Variants in OTULIN observed in about 807,000 individuals in gnomAD.
OTULIN encodes the protein ubiquitin thioesterase otulin.
Under a neutral mutation model 39.6 loss-of-function variants are expected in OTULIN, and 15 were observed. The observed-to-expected ratio is 0.38, with a 90% CI of 0.25 to 0.58. OTULIN has a LOEUF of 0.58. OTULIN is among the 20% of genes least tolerant of loss of function. OTULIN has a pLI of 0.66. For missense variants in OTULIN, 319 were observed against 445.9 expected, an observed-to-expected ratio of 0.72 and a Z score of 2.56; for synonymous variants, 156 against 170.3, an observed-to-expected ratio of 0.92 and a Z score of 0.65.
intron 1 of OTULIN, among the ~76,000 whole-genome samples, chr5:14,668,195 T>C (rs1579958137): frequency 6.6e-6 from 1 of 152,332 alleles, no homozygotes. Flanking sequence ...ATGTATTTTC[T>C]GCCCCACCCC....
chr5:14,685,236 T>C lies in OTULIN; in HGVS notation c.469-2285T>C, dbSNP rs575200434. 2.6e-5 allele frequency among the ~76,000 whole-genome samples: 4 copies of C among 152,350 alleles called. No individual in the cohort carries two copies. In the South Asian group the frequency reaches 8.3e-4, roughly 32 times the overall value. On this transcript the variant is annotated intron_variant, in intron 4 of 6. Coordinates refer to ENST00000284274, the MANE Select transcript of OTULIN (RefSeq NM_138348.6). The stretch of plus-strand genomic sequence containing the variant: ...TTTTGGGGATGACACATTTTTATTA[T>C]TTGCTTTCTGTTGTGGTATCAAGAA...
chr5:14,712,533 A>G, the OTULIN span, among the ~76,000 whole-genome samples: 8 of 152,148 alleles, frequency 5.3e-5, no homozygotes, highest in African/African-American at 1.4e-4. Flanking sequence ...CCCCTCTCCC[A>G]TCGGCAGCAT....
intron 5 of OTULIN, among the ~76,000 whole-genome samples, chr5:14,688,624 T>C (rs16903651): frequency 0.011 from 1,746 of 152,356 alleles, 41 homozygotes; most frequent in African/African-American, 0.04. Flanking sequence ...CTGGAAAATA[T>C]ACTGTCAAAG....
downstream of OTULIN, among the ~76,000 whole-genome samples, chr5:14,702,834 C>G (rs1407381224): frequency 2.6e-5 from 4 of 152,174 alleles, no homozygotes; most frequent in Non-Finnish European, 5.9e-5. Flanking sequence ...TCTTTGGAAT[C>G]AAGGGTTTCT....
At chr5:14,713,509 A>G in the OTULIN span, 1 of 1,613,304 alleles carries the variant, frequency 6.2e-7, no homozygotes, top group Non-Finnish European at 8.5e-7. The surrounding 1 kb of genome is among the most constrained non-coding windows in gnomAD (Gnocchi z 4.4). Context: ...GAAGTGGCAG[A>G]AGGACCCACA....
chr5:14,708,014 T>G, the OTULIN span: 3 of 152,110 alleles, frequency 2.0e-5, no homozygotes, highest in African/African-American at 7.2e-5. Context: ...CCGTCAATAC[T>G]CCCTGAGCCA....
chr5:14,676,352 G>A lies in OTULIN; in HGVS notation c.230-2329G>A, dbSNP rs549587804. ...TGCTTTTGAACTCCATAAGCTGCTC[G>A]AGGTCAGGTACTGCCTTGTCCTGCA... On this transcript the variant is annotated intron_variant, in intron 2 of 6. Transcript: ENST00000284274. Among the ~76,000 whole-genome samples, 34 of 152,296 alleles carry A rather than the reference G, an allele frequency of 2.2e-4. No homozygotes were observed. In the South Asian group the frequency reaches 6.9e-3, roughly 31 times the overall value.
rs1358930453 is a variant in OTULIN, at chr5:14,673,714, A to G, written c.225A>G (p.Ala75=). The G allele has an allele frequency of 6.2e-7, 1 of 1,613,034 alleles. No individual in the cohort carries two copies. Among genetic ancestry groups the G allele is most frequent in the Non-Finnish European group, 8.5e-7 (1 of 1,179,348 alleles). Residue 75 remains alanine (A), a synonymous_variant, in exon 2 of 7, where the codon GCA becomes GCG. Transcript: ENST00000284274. Reference sequence around the variant, plus strand: ...AATTGCTTATACATGAAAGAGGGGCATCAGGTATGTTTGGAATTGTTTTAT... The same window carrying G: ...AATTGCTTATACATGAAAGAGGGGCGTCAGGTATGTTTGGAATTGTTTTAT... ...EKELLIHERG[A]SEPRLSVAPE...
At chr5:14,668,220 CTACAGTTCGGAGT>C (rs1735898057) in intron 1 of OTULIN, among the ~76,000 whole-genome samples, 1 of 152,214 alleles carries the variant, frequency 6.6e-6, no homozygotes, top group South Asian at 2.1e-4. Context: ...CCAGATGCTG[CTACAGTTCGGAGT>C]AGGGATAAAG....
At chr5:14,687,755 T>C in intron 5 of OTULIN, 109 bp downstream of exon 5, 2 of 1,382,452 alleles carry the variant, frequency 1.4e-6, no homozygotes, top group Non-Finnish European at 9.6e-7. Flanking sequence ...TGCTCTTGGC[T>C]GATTTTTAGG....
At position 14,694,835 on chromosome 5, in the gene OTULIN, T is replaced by C. The variant is rs1736624582; in HGVS notation, c.*1787T>C. The C allele has an allele frequency of 6.5e-6, 1 of 152,676 alleles. No homozygotes were observed. The highest frequency in any genetic ancestry group is 1.5e-5 in the Non-Finnish European group (1 of 68,054). 9.5% of individuals were successfully genotyped at this position (152,676 alleles called of 1,614,324 possible). On this transcript the variant is annotated 3_prime_UTR_variant, in exon 7 of 7. Coordinates refer to ENST00000284274, the MANE Select transcript of OTULIN (RefSeq NM_138348.6). The stretch of plus-strand genomic sequence containing the variant: ...CCTAGAAGCCAAATTAAAGTAATAA[T>C]GACTTCTTATTGGCTTTGATTTTTC...
chr5:14,711,599 A>G, the OTULIN span, among the ~76,000 whole-genome samples: 111 of 152,226 alleles, frequency 7.3e-4, no homozygotes, highest in East Asian at 7.9e-3. Flanking sequence ...GCCCTTTCCA[A>G]TGAGGGCTGC....
chr5:14,688,834 C>T (rs1453478043), intron 5 of OTULIN, among the ~76,000 whole-genome samples: 2 of 152,098 alleles, frequency 1.3e-5, no homozygotes, highest in African/African-American at 4.8e-5. Flanking sequence ...AACCACAGGT[C>T]ACAATTTCGT....
chr5:14,678,702 C>T lies in OTULIN; in HGVS notation c.251C>T (p.Pro84Leu), dbSNP rs1736168542. ...ACAGAACCGAGATTAAGCGTAGCTC[C>T]TGAAATGGATATCATGGACTACTGC... ...GASEPRLSVA[P>L]EMDIMDYCKK... The change falls in exon 3 of 7, where the codon CCT (proline) becomes CTT (leucine). Residue 84 changes from proline to leucine, a missense_variant. By Grantham distance (98) the Pro-to-Leu change is moderately conservative. Around this residue, in one of 4 missense-constraint regions of OTULIN, gnomAD observed 132 missense variants for 143.7 expected, o/e 0.92. Coordinates refer to ENST00000284274, the MANE Select transcript of OTULIN (RefSeq NM_138348.6). The T allele has an allele frequency of 4.4e-6, 7 of 1,590,806 alleles. No homozygotes were observed. Among genetic ancestry groups the T allele is most frequent in the African/African-American group, 1.4e-5 (1 of 73,246 alleles).
chr5:14,681,493 C>T lies in OTULIN; in HGVS notation c.354C>T (p.Thr118=), dbSNP rs1736248545. The T allele has an allele frequency of 1.2e-6, 2 of 1,613,356 alleles. No homozygotes were observed. The highest frequency in any genetic ancestry group is 2.2e-5 in the South Asian group (2 of 90,940). The change falls in exon 4 of 7, where the codon ACC becomes ACT. Residue 118 remains threonine (T), a synonymous_variant. Coordinates refer to ENST00000284274, the MANE Select transcript of OTULIN (RefSeq NM_138348.6). ...ATGAAGAGGTTTCTCAGAAGTTCAC[C>T]TCCATACGGCGAGTCCGTGGTGATA... ...MGYEEVSQKF[T]SIRRVRGDNY...
chr5:14,713,474 C>G, the OTULIN span: 1 of 1,592,160 alleles, frequency 6.3e-7, no homozygotes, highest in Non-Finnish European at 8.6e-7. This position sits in a 1 kb window ranked among gnomAD's most constrained non-coding sequence, Gnocchi z 4.4. Flanking sequence ...GAAAATGTAG[C>G]TGTTAAACCT....
At chr5:14,705,261 C>T in the OTULIN span, 3 of 151,976 alleles carry the variant, frequency 2.0e-5, no homozygotes, top group African/African-American at 7.3e-5. Context: ...AGAGGAATGA[C>T]TCTAAGCACA....
At chr5:14,683,992 G>C (rs993883174) in intron 4 of OTULIN, among the ~76,000 whole-genome samples, 1 of 152,136 alleles carries the variant, frequency 6.6e-6, no homozygotes, top group Admixed American at 6.5e-5. Flanking sequence ...GTGAGTGATG[G>C]GGTTTTAAGG....
At chr5:14,710,687 G>A in the OTULIN span, 10,649 of 176,886 alleles carry the variant, frequency 0.06, 387 homozygotes, top group Non-Finnish European at 0.093. Context: ...ACTCCGTGGC[G>A]GAAGGGAAAT....
Sources: gnomAD v4.1 joint callset for allele counts (sites outside exome capture counted in the v4.1 genomes callset) on GRCh38, gnomAD v4.1.1 for gene constraint, gnomAD v4.1.1 regional missense constraint, Gnocchi (gnomAD v3.1) non-coding constraint, MANE v1.5 for transcripts, NCBI Gene and HGNC (gene_info 2026-07-23, HGNC 2026-07-21) for gene names.